The following PAK5 variants were observed in gnomAD, a reference collection of about 807,000 sequenced individuals.
PAK5 encodes p21 (RAC1) activated kinase 5, also known as serine/threonine-protein kinase PAK 5.
A neutral mutation model predicts 65.9 loss-of-function variants in PAK5; 16 were observed. The observed-to-expected ratio is 0.24, with a 90% confidence interval of 0.16 to 0.37. The LOEUF (loss-of-function observed/expected upper bound fraction) is 0.37, where lower values mean the gene tolerates loss of function less well. Ranked by LOEUF, PAK5 falls within the 10% of genes least tolerant of loss-of-function variation. PAK5 has a pLI of 1.00. For missense variants in PAK5, 785 were observed against 903.9 expected, an observed-to-expected ratio of 0.87 and a Z score of 1.69; for synonymous variants, 371 against 354.9, an observed-to-expected ratio of 1.05 and a Z score of -0.51.
chr20:9,566,266 C>T lies in PAK5; in HGVS notation c.1109G>A (p.Ser370Asn), dbSNP rs201806858. The T allele has an allele frequency of 1.1e-5, 18 of 1,613,792 alleles. No individual in the cohort carries two copies. Among genetic ancestry groups the T allele is most frequent in the Admixed American group, 3.3e-5 (2 of 60,022 alleles). The change falls in exon 5 of 10, where the codon AGT (serine) becomes AAT (asparagine). Residue 370 changes from serine to asparagine, a missense_variant. This residue lies in a region of PAK5 where 422 missense variants were observed against 413.3 expected (regional missense o/e 1.02). Transcript: ENST00000353224. ...SQSKSGYSSS[S>N]HQYPSGYHKA... ...GTGGTACCCAGACGGGTACTGGTGACTGCTTGAGGAATAGCCCGATTTGCT... is the reference window on the plus strand; with the variant it reads ...GTGGTACCCAGACGGGTACTGGTGATTGCTTGAGGAATAGCCCGATTTGCT...
At chr20:9,799,457 C>G (rs1417925875) in intron 1 of PAK5, among the ~76,000 whole-genome samples, 1 of 152,104 alleles carries the variant, frequency 6.6e-6, no homozygotes, top group Non-Finnish European at 1.5e-5. Flanking sequence ...TTAACTGGAA[C>G]ATGCAACAAG....
intron 1 of PAK5, among the ~76,000 whole-genome samples, chr20:9,823,906 A>G (rs1046338326): frequency 3.3e-5 from 5 of 152,192 alleles, no homozygotes; most frequent in Non-Finnish European, 7.3e-5. Flanking sequence ...TTGTGCTTGT[A>G]GAAGATTAAT....
chr20:9,706,471 CTTT>C (rs34420250), intron 2 of PAK5, among the ~76,000 whole-genome samples: 11 of 125,406 alleles, frequency 8.8e-5, no homozygotes, highest in South Asian at 2.6e-4. Context: ...TCTACAAACT[CTTT>C]TTTTTTTTTT....
chr20:9,736,605 G>A (rs1330521407), intron 1 of PAK5, among the ~76,000 whole-genome samples: 1 of 152,194 alleles, frequency 6.6e-6, no homozygotes, highest in African/African-American at 2.4e-5. Context: ...CCTTTAAAAT[G>A]ATGGGTTATT....
chr20:9,617,586 C>T (rs936847914), intron 3 of PAK5, among the ~76,000 whole-genome samples: 22 of 120,782 alleles, frequency 1.8e-4, no homozygotes, highest in Non-Finnish European at 2.8e-4. Flanking sequence ...AATGGAGTCT[C>T]GCTCTGTCAC....
chr20:9,624,058 T>C (rs2046808103), intron 3 of PAK5, among the ~76,000 whole-genome samples: 1 of 152,230 alleles, frequency 6.6e-6, no homozygotes, highest in East Asian at 1.9e-4. Context: ...TGGTATGTCT[T>C]GTAGTCAAGA....
At chr20:9,624,202 C>T (rs1202515536) in intron 3 of PAK5, among the ~76,000 whole-genome samples, 3 of 152,098 alleles carry the variant, frequency 2.0e-5, no homozygotes, top group Non-Finnish European at 4.4e-5. Context: ...AGAGTTTTTG[C>T]TATAAAAATA....
chr20:9,739,871 G>A (rs574420902), intron 1 of PAK5, among the ~76,000 whole-genome samples: 1 of 152,284 alleles, frequency 6.6e-6, no homozygotes, highest in African/African-American at 2.4e-5. Context: ...ATAAAAGTGA[G>A]GGTCAAAAGG....
intron 1 of PAK5, among the ~76,000 whole-genome samples, chr20:9,835,407 T>A (rs1979069241): frequency 6.6e-6 from 1 of 152,124 alleles, no homozygotes; most frequent in South Asian, 2.1e-4. Context: ...TGGTTGGGGA[T>A]GTTCCAGAAA....
intron 1 of PAK5, among the ~76,000 whole-genome samples, chr20:9,837,836 G>A (rs1034186410): frequency 6.6e-6 from 1 of 152,060 alleles, no homozygotes; most frequent in African/African-American, 2.4e-5. Context: ...CTTTCCTCTG[G>A]CTTTGTGCCA....
intron 2 of PAK5, among the ~76,000 whole-genome samples, chr20:9,685,582 C>T (rs1196965179): frequency 1.3e-5 from 2 of 152,166 alleles, no homozygotes; most frequent in Non-Finnish European, 2.9e-5. Context: ...TTGCTGACAC[C>T]TTGATCTTGA....
At chr20:9,546,862 T>C (rs776204237) in intron 7 of PAK5, among the ~76,000 whole-genome samples, 1 of 152,164 alleles carries the variant, frequency 6.6e-6, no homozygotes, top group Non-Finnish European at 1.5e-5. Context: ...TGTATTTTAA[T>C]ATAGATAGAA....
At chr20:9,805,129 G>A (rs941088628) in intron 1 of PAK5, among the ~76,000 whole-genome samples, 3 of 151,996 alleles carry the variant, frequency 2.0e-5, no homozygotes, top group South Asian at 4.2e-4. Context: ...AAGATGTTTC[G>A]CATCATTAGT....
chr20:9,608,968 C>T (rs2046507181), intron 3 of PAK5, among the ~76,000 whole-genome samples: 1 of 152,200 alleles, frequency 6.6e-6, no homozygotes, highest in Non-Finnish European at 1.5e-5. Context: ...AAGAATAAAG[C>T]AACGTATCTG....
chr20:9,554,003 T>C (rs1054509322), intron 7 of PAK5, among the ~76,000 whole-genome samples: 1 of 152,214 alleles, frequency 6.6e-6, no homozygotes, highest in Non-Finnish European at 1.5e-5. Context: ...TCACTATTTT[T>C]CATTTTAGTC....
intron 1 of PAK5, among the ~76,000 whole-genome samples, chr20:9,783,422 C>A (rs1401519356): frequency 6.6e-6 from 1 of 152,144 alleles, no homozygotes; most frequent in Non-Finnish European, 1.5e-5. Context: ...TGAATTTGAA[C>A]ACCAGATTCT....
chr20:9,823,669 C>T (rs1195244619), intron 1 of PAK5, among the ~76,000 whole-genome samples: 1 of 152,108 alleles, frequency 6.6e-6, no homozygotes, highest in Non-Finnish European at 1.5e-5. Flanking sequence ...TATAAATTAC[C>T]CAGTCTTGGG....
At chr20:9,648,020 C>T (rs563484620) in intron 2 of PAK5, among the ~76,000 whole-genome samples, 4 of 152,298 alleles carry the variant, frequency 2.6e-5, no homozygotes, top group African/African-American at 7.2e-5. Flanking sequence ...CTCTGATGTG[C>T]TCATGCTCAG....
chr20:9,780,353 C>A (rs73896001), intron 1 of PAK5, among the ~76,000 whole-genome samples: 3,891 of 152,036 alleles, frequency 0.026, 127 homozygotes, highest in African/African-American at 0.071. Context: ...TCATCTTTTG[C>A]TTCTTGAGCT....
Sources: gnomAD v4.1 joint callset for allele counts (sites outside exome capture counted in the v4.1 genomes callset) on GRCh38, gnomAD v4.1.1 for gene constraint, gnomAD v4.1.1 regional missense constraint, MANE v1.5 for transcripts, NCBI Gene and HGNC (gene_info 2026-07-23, HGNC 2026-07-21) for gene names.